Variants in TRAPPC3 observed in about 807,000 individuals in gnomAD.
TRAPPC3 encodes the protein trafficking protein particle complex 3.
TRAPPC3 carries 5 observed loss-of-function variants against 18.2 expected under a neutral mutation model. The observed-to-expected ratio is 0.28, with a 90% CI of 0.14 to 0.58. TRAPPC3 has a LOEUF of 0.58. Ranked by LOEUF, TRAPPC3 falls within the 20% of genes least tolerant of loss-of-function variation. The probability of loss-of-function intolerance (pLI) is 0.91; values close to 1 mark genes in which losing one functional copy is unlikely to be tolerated. For synonymous variants in TRAPPC3, 65 were observed against 84.2 expected, an observed-to-expected ratio of 0.77 and a Z score of 1.25; for missense variants, 176 against 225.9, an observed-to-expected ratio of 0.78 and a Z score of 1.41.
intron 1 of TRAPPC3, chr1:36,141,113 G>T (rs1210584351): frequency 6.6e-6 from 1 of 152,046 alleles, no homozygotes; most frequent in Non-Finnish European, 1.5e-5. Context: ...AGCCGAGATC[G>T]TGCCACTGCA....
In TRAPPC3 at chr1:36,141,953, G is replaced by A. The variant is rs1206332628; in HGVS notation, c.43-1787C>T. ...AGCCTGGGCAACAGAGCAAGATTCC[G>A]TCTCCAAAAAAAAAAAAAAAAAAAA... On this transcript the variant is annotated intron_variant, in intron 1 of 4. Transcript: ENST00000373166. 9.4e-5 allele frequency among the ~76,000 whole-genome samples: 7 copies of A among 74,194 alleles called. No individual in the cohort carries two copies. The South Asian group carries it at 2.7e-3, about 29-fold the overall frequency. 48.7% of individuals were successfully genotyped at this position (74,194 alleles called of 152,430 possible). A position where few individuals can be genotyped will look rare whatever the true frequency, so the allele number is the denominator to read the frequency against.
intron 4 of TRAPPC3, chr1:36,137,526 A>G: frequency 1.6e-6 from 1 of 637,752 alleles, no homozygotes; most frequent in Non-Finnish European, 2.7e-6. Flanking sequence ...AGAATACCCA[A>G]GAATGAGACT....
chr1:36,151,455 C>A (rs80215402), upstream of TRAPPC3, among the ~76,000 whole-genome samples: 1 of 151,602 alleles, frequency 6.6e-6, no homozygotes, highest in Non-Finnish European at 1.5e-5. Flanking sequence ...TTAAAAAAAA[C>A]AACAACCAGC....
rs1331118460 is a variant in TRAPPC3, at chr1:36,139,810, G to C, written c.150C>G (p.Asn50Lys). ...VNKQLDKMGF[N>K]IGVRLIEDFL... ...AATCTTCAATCAGCCGGACTCCAAT[G>C]TTAAAGCCCCTGGGAAGGAAGTTAG... Residue 50 changes from asparagine to lysine, a missense_variant, in exon 3 of 5, where the codon AAC (asparagine) becomes AAG (lysine). Physicochemically the swap from Asn to Lys is moderately conservative, Grantham distance 94. Around this residue, in one of 2 missense-constraint regions of TRAPPC3, gnomAD observed 147 missense variants for 164.3 expected, o/e 0.89. Coordinates refer to ENST00000373166, the MANE Select transcript of TRAPPC3 (RefSeq NM_014408.5). 2 of 1,614,022 alleles carry C rather than the reference G, an allele frequency of 1.2e-6. No individual in the cohort carries two copies. Among genetic ancestry groups the C allele is most frequent in the South Asian group, 1.1e-5 (1 of 91,080 alleles).
chr1:36,149,349 C>G lies in TRAPPC3; in HGVS notation c.30G>C (p.Glu10Asp), dbSNP rs748781576. 8 of 1,613,572 alleles carry G rather than the reference C, an allele frequency of 5.0e-6. No individual in the cohort carries two copies. The South Asian group carries it at 8.8e-5, about 18-fold the overall frequency. MSRQANRGT[E>D]SKKMSSELFT... Reference sequence around the variant, plus strand: ...CGCTCCAAGTTACCATTTTCTTGCTCTCGGTGCCACGGTTCGCCTGCCTCG... The same window carrying G: ...CGCTCCAAGTTACCATTTTCTTGCTGTCGGTGCCACGGTTCGCCTGCCTCG... The change falls in exon 1 of 5, where the codon GAG becomes GAC. Residue 10 changes from glutamate (E) to aspartate (D), a missense_variant. Glu to Asp is a conservative substitution (Grantham distance 45). Coordinates refer to ENST00000373166, the MANE Select transcript of TRAPPC3 (RefSeq NM_014408.5).
At chr1:36,138,136 C>T (rs1254040511) in intron 3 of TRAPPC3, 158 bp from the exon 4 acceptor site, 1 of 1,553,940 alleles carries the variant, frequency 6.4e-7, no homozygotes, top group East Asian at 2.4e-5. Context: ...AAAGGAGAAG[C>T]ATCTGTACAT....
At chr1:36,140,753 T>C (rs934180474) in intron 1 of TRAPPC3, 1 of 152,232 alleles carries the variant, frequency 6.6e-6, no homozygotes, top group Non-Finnish European at 1.5e-5. Context: ...GAGAAAATAA[T>C]GTTCCTCTTA....
In TRAPPC3 at chr1:36,149,457, G is replaced by A; in HGVS notation, c.-79C>T. 6 of 1,560,550 alleles carry A rather than the reference G, an allele frequency of 3.8e-6. No individual in the cohort carries two copies. The highest frequency in any genetic ancestry group is 3.5e-6 in the Non-Finnish European group (4 of 1,148,214). ...TGCAGACGCCGGAGCCTAAGCCGCT[G>A]CCCCTCAGCCCACAAGACCGACCGG... On this transcript the variant is annotated 5_prime_UTR_variant, in exon 1 of 5. Coordinates refer to ENST00000373166, the MANE Select transcript of TRAPPC3 (RefSeq NM_014408.5).
intron 1 of TRAPPC3, chr1:36,148,973 A>C: frequency 1.2e-6 from 1 of 863,320 alleles, no homozygotes; most frequent in South Asian, 3.2e-5. Flanking sequence ...GTAAAACGGC[A>C]ATGTTATCCA....
intron 1 of TRAPPC3, among the ~76,000 whole-genome samples, chr1:36,147,266 T>C (rs565507402): frequency 3.3e-5 from 5 of 151,736 alleles, no homozygotes; most frequent in Admixed American, 6.6e-5. Flanking sequence ...GAGGCTGCAG[T>C]GAGCTGAGAT....
intron 1 of TRAPPC3, among the ~76,000 whole-genome samples, chr1:36,145,194 TG>T: frequency 6.7e-6 from 1 of 149,514 alleles, no homozygotes; most frequent in Admixed American, 6.9e-5. Context: ...GCTAATTTTT[TG>T]TATTTTTTTT....
upstream of TRAPPC3, among the ~76,000 whole-genome samples, chr1:36,153,055 G>A (rs920726805): frequency 2.0e-5 from 3 of 152,306 alleles, no homozygotes; most frequent in Admixed American, 6.5e-5. Context: ...CGTGCAGAAG[G>A]AGGAGACTGC....
Position 36,142,070 on chromosome 1 carries a change from C to G in TRAPPC3, c.43-1904G>C, listed in dbSNP as rs1282411923. 3.3e-5 allele frequency among the ~76,000 whole-genome samples: 5 copies of G among 151,782 alleles called. No individual in the cohort carries two copies. The East Asian group carries it at 7.7e-4, about 23-fold the overall frequency. ...AAAGGTTTCCAAGCCAATGGTCAACCTATCCACTCTTCCCCACAACTGTAG... is the reference window on the plus strand; with the variant it reads ...AAAGGTTTCCAAGCCAATGGTCAACGTATCCACTCTTCCCCACAACTGTAG... On this transcript the variant is annotated intron_variant, in intron 1 of 4. Transcript: ENST00000373166.
chr1:36,153,247 G>C (rs1417714795), upstream of TRAPPC3, among the ~76,000 whole-genome samples: 1 of 152,186 alleles, frequency 6.6e-6, no homozygotes. Flanking sequence ...CAAACTCAGA[G>C]AGAGACACTC....
intron 1 of TRAPPC3, among the ~76,000 whole-genome samples, chr1:36,144,224 G>A (rs1644158617): frequency 6.9e-6 from 1 of 144,698 alleles, no homozygotes; most frequent in South Asian, 2.2e-4. Flanking sequence ...GGAGGCGGAG[G>A]TTGCGGTAAG....
intron 3 of TRAPPC3, 182 bp downstream of exon 3, chr1:36,139,538 A>G: frequency 1.3e-6 from 1 of 750,482 alleles, no homozygotes. Flanking sequence ...TGGGGCTTTA[A>G]TCCACAGGGA....
chr1:36,149,016 A>G (rs1242285689), intron 1 of TRAPPC3: 2 of 1,219,874 alleles, frequency 1.6e-6, no homozygotes, highest in Non-Finnish European at 2.1e-6. Flanking sequence ...ATTAACTGAG[A>G]TGCTGTAACG....
At chr1:36,146,633 C>A (rs1272422344) in intron 1 of TRAPPC3, among the ~76,000 whole-genome samples, 1 of 146,448 alleles carries the variant, frequency 6.8e-6, no homozygotes, top group Admixed American at 6.8e-5. Flanking sequence ...TAAGCTGATG[C>A]TAGAACAATG....
intron 3 of TRAPPC3, 51 bp downstream of exon 3, chr1:36,139,669 T>C (rs778722820): frequency 1.9e-5 from 30 of 1,609,140 alleles, no homozygotes; most frequent in South Asian, 8.9e-5. Flanking sequence ...TGGTAAGCAG[T>C]GCCTCTCAGC....
Sources: allele counts gnomAD v4.1 joint callset (sites outside exome capture counted in the v4.1 genomes callset), GRCh38; gene constraint gnomAD v4.1.1; regional missense constraint gnomAD v4.1.1; transcripts MANE v1.5; gene names NCBI Gene and HGNC (gene_info 2026-07-23, HGNC 2026-07-21).